The following RYR3 variants were observed in gnomAD, a reference collection of about 807,000 sequenced individuals.
RYR3 encodes ryanodine receptor 3.
RYR3 carries 207 observed loss-of-function variants against 584.3 expected under a neutral mutation model. The ratio of observed to expected loss-of-function variants is 0.35; its 90% CI spans 0.32 to 0.40. The LOEUF (loss-of-function observed/expected upper bound fraction) is 0.40. RYR3 is among the 10% of genes least tolerant of loss of function. The pLI is 1.00. For missense variants in RYR3, 5,616 were observed against 6,089.2 expected, an observed-to-expected ratio of 0.92 and a Z score of 2.59; for synonymous variants, 2,416 against 2,248.5, an observed-to-expected ratio of 1.07 and a Z score of -2.11.
intron 1 of RYR3, among the ~76,000 whole-genome samples, chr15:33,323,096 A>T (rs909475020): frequency 4.6e-5 from 7 of 151,682 alleles, no homozygotes; most frequent in African/African-American, 1.7e-4. Flanking sequence ...ATAATATATG[A>T]TATGATATTT....
intron 2 of RYR3, among the ~76,000 whole-genome samples, chr15:33,481,611 G>A (rs970919129): frequency 6.6e-6 from 1 of 151,984 alleles, no homozygotes; most frequent in African/African-American, 2.4e-5. Context: ...CTCCCAAGTA[G>A]CTGGGATTAC....
chr15:33,583,319 G>A (rs554289101), intron 14 of RYR3, among the ~76,000 whole-genome samples: 1 of 152,218 alleles, frequency 6.6e-6, no homozygotes, highest in Admixed American at 6.5e-5. Context: ...CTTTCCAGCT[G>A]TGTTCACTGG....
At chr15:33,444,989 C>G (rs961527785) in intron 1 of RYR3, among the ~76,000 whole-genome samples, 1 of 151,862 alleles carries the variant, frequency 6.6e-6, no homozygotes, top group Non-Finnish European at 1.5e-5. Context: ...CAGTGAGTAG[C>G]CTATGTAGGG....
At chr15:33,511,329 T>TAA (rs34328973) in intron 3 of RYR3, among the ~76,000 whole-genome samples, 10,936 of 119,120 alleles carry the variant, frequency 0.092, 620 homozygotes, top group Middle Eastern at 0.24. Flanking sequence ...TTTCTCTCTT[T>TAA]AAAAAAAAAA....
At chr15:33,670,678 GTA>G in intron 38 of RYR3, 122 bp downstream of exon 38, 1 of 993,394 alleles carries the variant, frequency 1.0e-6, no homozygotes. Flanking sequence ...CATCTGGGCA[GTA>G]TGTTATAATT....
intron 1 of RYR3, among the ~76,000 whole-genome samples, chr15:33,339,087 T>C (rs1971489855): frequency 6.6e-6 from 1 of 152,232 alleles, no homozygotes; most frequent in Non-Finnish European, 1.5e-5. Flanking sequence ...GCTGTTAATA[T>C]ATCATGTATG....
chr15:33,426,900 C>T (rs995245389), intron 1 of RYR3, among the ~76,000 whole-genome samples: 1 of 152,190 alleles, frequency 6.6e-6, no homozygotes, highest in Non-Finnish European at 1.5e-5. Context: ...TGTATCCTCA[C>T]ATGATGGGAT....
At chr15:33,714,813 G>C (rs1273654866) in intron 43 of RYR3, among the ~76,000 whole-genome samples, 1 of 152,192 alleles carries the variant, frequency 6.6e-6, no homozygotes, top group Non-Finnish European at 1.5e-5. Context: ...TGTGAAACGT[G>C]ATGCTCTAGA....
chr15:33,326,703 A>G (rs1369324881), intron 1 of RYR3, among the ~76,000 whole-genome samples: 2 of 151,832 alleles, frequency 1.3e-5, no homozygotes, highest in Non-Finnish European at 1.5e-5. Flanking sequence ...AGGGAGGTAC[A>G]TGGAAGACTG....
chr15:33,676,565 T>C (rs78828848), intron 38 of RYR3, among the ~76,000 whole-genome samples: 3,848 of 152,302 alleles, frequency 0.025, 82 homozygotes, highest in South Asian at 0.076. Flanking sequence ...GATGGTCAAG[T>C]GCATAATGGA....
At chr15:33,813,429 C>G in intron 73 of RYR3, 38 bp from the exon 74 acceptor site, 3 of 1,551,722 alleles carry the variant, frequency 1.9e-6, no homozygotes, top group Non-Finnish European at 2.7e-6. Flanking sequence ...ACCAGAAGAT[C>G]AGCCTAATGT....
chr15:33,425,637 A>ATTTTTTTT (rs68182512), intron 1 of RYR3, among the ~76,000 whole-genome samples: 13 of 121,806 alleles, frequency 1.1e-4, no homozygotes, highest in East Asian at 6.1e-4. Context: ...GAGACTCACA[A>ATTTTTTTT]TTTTTTTTTT....
chr15:33,701,049 C>A lies in RYR3; in HGVS notation c.6452C>A (p.Ala2151Glu), dbSNP rs748718316. Residue 2151 changes from alanine (A) to glutamate (E), a missense_variant, in exon 42 of 104, where the codon GCG (alanine) becomes GAG (glutamate). Ala to Glu is a moderately radical substitution (Grantham distance 107, BLOSUM62 -1). Transcript: ENST00000634891. ...TCTGTGATGGACAACAATGAGTTAG[C>A]GCTGAGCTTAGAGGAACCAGACCTC... ...ASSVMDNNEL[A>E]LSLEEPDLEK... 2.5e-6 allele frequency: 4 copies of A among 1,613,180 alleles called. No individual in the cohort carries two copies. The highest frequency in any genetic ancestry group is 1.7e-5 in the Admixed American group (1 of 59,962).
At chr15:33,811,967 A>G (rs372406526) in intron 72 of RYR3, among the ~76,000 whole-genome samples, 1 of 152,176 alleles carries the variant, frequency 6.6e-6, no homozygotes, top group African/African-American at 2.4e-5. Flanking sequence ...CGCCCCAAAC[A>G]TATAGGAATG....
chr15:33,478,812 T>C (rs1301744679), intron 2 of RYR3, among the ~76,000 whole-genome samples: 1 of 152,180 alleles, frequency 6.6e-6, no homozygotes, highest in Non-Finnish European at 1.5e-5. Flanking sequence ...ATGGGAAGAA[T>C]ATGAGAACTA....
chr15:33,653,104 A>T (rs2062589922), intron 32 of RYR3, among the ~76,000 whole-genome samples: 1 of 152,254 alleles, frequency 6.6e-6, no homozygotes, highest in Non-Finnish European at 1.5e-5. Flanking sequence ...TTGATCCAAT[A>T]TGCTGGTTGT....
intron 32 of RYR3, among the ~76,000 whole-genome samples, 197 bp downstream of exon 32, chr15:33,653,080 A>G (rs937410644): frequency 2.0e-5 from 3 of 152,246 alleles, no homozygotes; most frequent in South Asian, 2.1e-4. Flanking sequence ...AGGCTGGGCA[A>G]TCATAGTTAT....
At chr15:33,748,434 T>C (rs1386679013) in intron 54 of RYR3, 34 bp from the exon 55 acceptor site, 2 of 1,604,220 alleles carry the variant, frequency 1.2e-6, no homozygotes, top group Non-Finnish European at 1.7e-6. Flanking sequence ...AGGAAAATAA[T>C]GGCAACCCAG....
intron 6 of RYR3, 146 bp from the exon 7 acceptor site, chr15:33,540,645 A>C (rs2055740608): frequency 3.4e-6 from 2 of 590,498 alleles, no homozygotes; most frequent in African/African-American, 1.8e-5. Context: ...CTTCTAGATC[A>C]GGTGGAGAAA....
Sources: allele counts gnomAD v4.1 joint callset (sites outside exome capture counted in the v4.1 genomes callset), GRCh38; gene constraint gnomAD v4.1.1; transcripts MANE v1.5; gene names NCBI Gene and HGNC (gene_info 2026-07-23, HGNC 2026-07-21).